MYH8: variants seen among roughly 807,000 people sequenced by gnomAD.
The protein encoded by MYH8 is myosin heavy chain 8, also known as myosin-8.
A neutral mutation model predicts 233.2 loss-of-function variants in MYH8; 168 were observed. That is an observed-to-expected ratio of 0.72 (90% CI 0.64 to 0.82). MYH8 has a LOEUF of 0.82. Among genes scored for constraint, MYH8 ranks in the 40% least tolerant of loss-of-function variants. The probability of loss-of-function intolerance (pLI) is 0.00; values close to 1 mark genes in which losing one functional copy is unlikely to be tolerated. For missense variants in MYH8, 1,995 were observed against 2,327.8 expected (o/e 0.86, Z 2.94); for synonymous variants, 785 against 850.6 (o/e 0.92, Z 1.34).
chr17:10,402,947 C>T (rs1188574732), intron 22 of MYH8, among the ~76,000 whole-genome samples: 3 of 152,082 alleles, frequency 2.0e-5, no homozygotes, highest in Admixed American at 1.3e-4. Flanking sequence ...GTTCTCATGC[C>T]CAGGACAATT....
At chr17:10,413,104 G>T (rs993242295) in intron 12 of MYH8, among the ~76,000 whole-genome samples, 2 of 152,184 alleles carry the variant, frequency 1.3e-5, no homozygotes, top group Admixed American at 6.5e-5. Context: ...AGAATATTTT[G>T]ATTCTTATCT....
chr17:10,414,520 T>A, intron 9 of MYH8, 36 bp from the exon 10 acceptor site: 2 of 1,373,666 alleles, frequency 1.5e-6, no homozygotes, highest in Admixed American at 3.4e-5. Flanking sequence ...TTGAAAAAAG[T>A]ATCAATGCTT....
chr17:10,416,363 A>G (rs2072290725), intron 5 of MYH8, among the ~76,000 whole-genome samples: 1 of 152,204 alleles, frequency 6.6e-6, no homozygotes, highest in Admixed American at 6.5e-5. Context: ...GTTGATGGAC[A>G]CTTGGGTTGC....
At chr17:10,407,017 C>A in intron 17 of MYH8, 38 bp from the exon 18 acceptor site, 1 of 1,531,298 alleles carries the variant, frequency 6.5e-7, no homozygotes, top group South Asian at 1.1e-5. Flanking sequence ...TGAAAAAGTT[C>A]TATTTCAGGT....
At chr17:10,392,027 A>G in intron 38 of MYH8, 50 bp from the exon 39 acceptor site, 1 of 1,450,658 alleles carries the variant, frequency 6.9e-7, no homozygotes, top group Non-Finnish European at 9.7e-7. Context: ...AGATAAGGCT[A>G]CTCTGGGTAC....
chr17:10,398,565 C>T lies in MYH8; in HGVS notation c.4057G>A (p.Glu1353Lys). The part of the protein sequence containing the change: ...CDLLREQYEE[E>K]QEGKAELQRA... ...TGCAGCTCAGCTTTGCCTTCCTGCT[C>T]TTCCTCATACTGTTCCCGCAGCAGG... is the stretch of plus-strand genomic sequence containing the variant. Residue 1353 changes from glutamate (E) to lysine (K), a missense_variant, in exon 30 of 40, where the codon GAG becomes AAG. This residue lies in a region of MYH8 where 1,498 missense variants were observed against 1,680.9 expected (regional missense o/e 0.89). Coordinates refer to ENST00000403437, the MANE Select transcript of MYH8 (RefSeq NM_002472.3). The T allele has an allele frequency of 6.2e-7, 1 of 1,614,192 alleles. No individual in the cohort carries two copies. Among genetic ancestry groups the T allele is most frequent in the Non-Finnish European group, 8.5e-7 (1 of 1,180,018 alleles).
rs2072076387 is a variant in MYH8 at position 10,396,156 on chromosome 17, A to C, written c.4653+174T>G. On this transcript the variant is annotated intron_variant, in intron 33 of 39. Coordinates refer to ENST00000403437, the MANE Select transcript of MYH8 (RefSeq NM_002472.3). This position sits in a 1 kb window ranked among gnomAD's most constrained non-coding sequence, Gnocchi z 4.2. Reference sequence around the variant, plus strand: ...CCATTTGACATCTTTTGGGTGATAAAATCTTAGAAATAGAATTGATAGGTC... The same window carrying C: ...CCATTTGACATCTTTTGGGTGATAACATCTTAGAAATAGAATTGATAGGTC... Among the ~76,000 whole-genome samples, 1 of 152,176 alleles carries C rather than the reference A, an allele frequency of 6.6e-6. No individual in the cohort carries two copies. The highest frequency in any genetic ancestry group is 1.5e-5 in the Non-Finnish European group (1 of 68,034).
chr17:10,393,520 T>C (rs926900702), intron 35 of MYH8, among the ~76,000 whole-genome samples: 4 of 152,182 alleles, frequency 2.6e-5, no homozygotes, highest in African/African-American at 9.7e-5. Context: ...CTCTGGAAGG[T>C]TGGAAATAGA....
rs1055351224 is a variant in MYH8, at chr17:10,415,046, G to T, written c.805+70C>A. 5 of 1,436,568 alleles carry T rather than the reference G, an allele frequency of 3.5e-6. No homozygotes were observed. The African/African-American group carries it at 4.2e-5, about 12-fold the overall frequency. 89.0% of individuals were successfully genotyped at this position (1,436,568 alleles called of 1,614,324 possible). A position where few individuals can be genotyped will look rare whatever the true frequency, so the allele number is the denominator to read the frequency against. On this transcript the variant is annotated intron_variant, in intron 9 of 39. Coordinates refer to ENST00000403437, the MANE Select transcript of MYH8 (RefSeq NM_002472.3). This position sits in a 1 kb window ranked among gnomAD's most constrained non-coding sequence, Gnocchi z 4.1. ...TTAACAGGCTTCATGCACAGCAAGG[G>T]TGGCAAAATATCCCTGCAAATGAAA...
chr17:10,399,700 C>T (rs1330137098), intron 27 of MYH8, 31 bp from the exon 28 acceptor site: 2 of 1,613,202 alleles, frequency 1.2e-6, no homozygotes, highest in South Asian at 1.1e-5. Flanking sequence ...AAAGATGAGA[C>T]ATTGAATGCA....
At chr17:10,406,478 A>C in intron 19 of MYH8, 81 bp from the exon 20 acceptor site, 1 of 1,582,868 alleles carries the variant, frequency 6.3e-7, no homozygotes, top group Non-Finnish European at 8.7e-7. Flanking sequence ...AAATATCAAC[A>C]AACATCTGAG....
Position 10,404,400 on chromosome 17 carries a change from C to T in MYH8, c.2618G>A (p.Arg873Gln), listed in dbSNP as rs138755767. The T allele has an allele frequency of 2.3e-4, 367 of 1,613,668 alleles. No homozygotes were observed. Among genetic ancestry groups the T allele is most frequent in the East Asian group, 5.4e-4 (24 of 44,858 alleles). ...KDELAKSEAK[R>Q]KELEEKMVTL... ...GACCATTTTTTCCTCTAGCTCCTTC[C>T]GTTTTGCCTCTGACTTGGCGAGTTC... Residue 873 changes from arginine to glutamine, a missense_variant, in exon 22 of 40, where the codon CGG becomes CAG. Arg to Gln is a conservative substitution (Grantham distance 43, BLOSUM62 1). Transcript: ENST00000403437.
Position 10,418,726 on chromosome 17 carries a change from C to G in MYH8, c.430G>C (p.Ala144Pro), listed in dbSNP as rs138262102. Residue 144 changes from alanine (A) to proline (P), a missense_variant, in exon 5 of 40, where the codon GCC becomes CCC. This residue lies in a region of MYH8 where 479 missense variants were observed against 600.9 expected (regional missense o/e 0.80). Coordinates refer to ENST00000403437, the MANE Select transcript of MYH8 (RefSeq NM_002472.3). ...LPVYKPEVVA[A>P]YRGKKRQEAP... ...TCCTGGCGCTTTTTGCCTCTGTAGG[C>G]AGCCACCACCTCGGGCTTGTACACC... 1.1e-4 allele frequency: 176 copies of G among 1,613,912 alleles called. No homozygotes were observed. The African/African-American group carries it at 2.1e-3, about 20-fold the overall frequency.
At position 10,409,979 on chromosome 17, in the gene MYH8, T is replaced by C. The variant is rs1308299882; in HGVS notation, c.1588-391A>G. ...AAACAGTATAAACAACCAAATTTTATTCAAGATATTTTGGGTATTTAATTT... is the reference window on the plus strand; with the variant it reads ...AAACAGTATAAACAACCAAATTTTACTCAAGATATTTTGGGTATTTAATTT... On this transcript the variant is annotated intron_variant, in intron 15 of 39. Coordinates refer to ENST00000403437, the MANE Select transcript of MYH8 (RefSeq NM_002472.3). Among the ~76,000 whole-genome samples, 4 of 152,222 alleles carry C rather than the reference T, an allele frequency of 2.6e-5. No homozygotes were observed. In the South Asian group the frequency reaches 8.3e-4, roughly 32 times the overall value.
Position 10,398,903 on chromosome 17 carries a change from T to A in MYH8, c.3863-17A>T. The stretch of plus-strand genomic sequence containing the variant: ...AATATTCACCTAGGAATAATAGACA[T>A]AAGGGAATTTTTTACTGGCATAAAA... On this transcript the variant is annotated splice_polypyrimidine_tract_variant and intron_variant, in intron 28 of 39. Transcript: ENST00000403437. The A allele has an allele frequency of 6.3e-7, 1 of 1,597,896 alleles. No homozygotes were observed. Among genetic ancestry groups the A allele is most frequent in the South Asian group, 1.1e-5 (1 of 90,770 alleles).
Position 10,415,323 on chromosome 17 carries a change from T to G in MYH8, c.710A>C (p.Lys237Thr). 2 of 1,614,192 alleles carry G rather than the reference T, an allele frequency of 1.2e-6. No individual in the cohort carries two copies. The highest frequency in any genetic ancestry group is 1.7e-6 in the Non-Finnish European group (2 of 1,180,020). Residue 237 changes from lysine (K) to threonine (T), a missense_variant, in exon 8 of 40, where the codon AAA (lysine) becomes ACA (threonine). By Grantham distance (78) the Lys-to-Thr change is moderately conservative. Coordinates refer to ENST00000403437, the MANE Select transcript of MYH8 (RefSeq NM_002472.3). The surrounding 1 kb of genome is among the most constrained non-coding windows in gnomAD (Gnocchi z 4.1). ...AGAGGAGTTGTCATTCCTCACAGTT[T>G]TGGCATTGCCAAAGGCCTCCAGTAG... The part of the protein sequence containing the change: ...NPLLEAFGNA[K>T]TVRNDNSSRF...
chr17:10,415,001 A>T lies in MYH8; in HGVS notation c.805+115T>A. 1 of 931,408 alleles carries T rather than the reference A, an allele frequency of 1.1e-6. No individual in the cohort carries two copies. Among genetic ancestry groups the T allele is most frequent in the Middle Eastern group, 2.9e-4 (1 of 3,402 alleles). 57.7% of individuals were successfully genotyped at this position (931,408 alleles called of 1,614,324 possible). A position where few individuals can be genotyped will look rare whatever the true frequency, so the allele number is the denominator to read the frequency against. On this transcript the variant is annotated intron_variant, in intron 9 of 39. Coordinates refer to ENST00000403437, the MANE Select transcript of MYH8 (RefSeq NM_002472.3). The surrounding 1 kb of genome is among the most constrained non-coding windows in gnomAD (Gnocchi z 4.1). ...AGCCTAGCATTAGCTTACAGGCAGT[A>T]CTGGCAGCAGACTACCCTTTTAACA...
rs779718071 is a variant in MYH8, at chr17:10,393,214, T to A, written c.5167-4A>T. ...TGGTGTTAATGAGACTGGTATTCTG[T>A]TAAAAGTAGTCGTGGAAATTTACAA... On this transcript the variant is annotated splice_polypyrimidine_tract_variant and splice_region_variant and intron_variant, in intron 35 of 39. Transcript: ENST00000403437. 1.2e-6 allele frequency: 2 copies of A among 1,614,234 alleles called. No individual in the cohort carries two copies. The highest frequency in any genetic ancestry group is 8.5e-7 in the Non-Finnish European group (1 of 1,180,044).
At position 10,404,493 on chromosome 17, in the gene MYH8, A is replaced by G; in HGVS notation, c.2525T>C (p.Leu842Pro). 1 of 1,613,892 alleles carries G rather than the reference A, an allele frequency of 6.2e-7. No individual in the cohort carries two copies. Among genetic ancestry groups the G allele is most frequent in the Non-Finnish European group, 8.5e-7 (1 of 1,179,940 alleles). ...WMKLFFKIKP[L>P]LKSAETEKEM... ...TTTCTCGGTCTCTGCACTCTTGAGGAGGGGCTTAATCTTGAAAAAGAGTTT... is the reference window on the plus strand; with the variant it reads ...TTTCTCGGTCTCTGCACTCTTGAGGGGGGGCTTAATCTTGAAAAAGAGTTT... Residue 842 changes from leucine (L) to proline (P), a missense_variant, in exon 22 of 40, where the codon CTC becomes CCC. By Grantham distance (98) the Leu-to-Pro change is moderately conservative (BLOSUM62 -3). Transcript: ENST00000403437.
Sources: gnomAD v4.1 joint callset for allele counts (sites outside exome capture counted in the v4.1 genomes callset) on GRCh38, gnomAD v4.1.1 for gene constraint, gnomAD v4.1.1 regional missense constraint, Gnocchi (gnomAD v3.1) non-coding constraint, MANE v1.5 for transcripts, NCBI Gene and HGNC (gene_info 2026-07-23, HGNC 2026-07-21) for gene names.